Variants in DOCK8 observed in about 807,000 individuals in gnomAD.
DOCK8 encodes dedicator of cytokinesis protein 8.
A neutral mutation model predicts 245.6 loss-of-function variants in DOCK8; 141 were observed. The observed-to-expected ratio is 0.57, with a 90% confidence interval of 0.50 to 0.66. The LOEUF is 0.66. DOCK8 is among the 30% of genes least tolerant of loss of function. The probability of loss-of-function intolerance (pLI) is 0.00; values close to 1 mark genes in which losing one functional copy is unlikely to be tolerated. For missense variants in DOCK8, 2,965 were observed against 2,603.4 expected, an observed-to-expected ratio of 1.14 and a Z score of -3.02; for synonymous variants, 1,168 against 970.2, an observed-to-expected ratio of 1.20 and a Z score of -3.79.
rs778938711 is a variant in DOCK8 at position 451,975 on chromosome 9, ATATTTTTTTTTTTTTT to A, written c.5962-34_5962-19del. 7,249 of 224,550 alleles carry A rather than the reference ATATTTTTTTTTTTTTT, an allele frequency of 0.032. 117 individuals carry two copies. The highest frequency in any genetic ancestry group is 0.06 in the African/African-American group (1,177 of 19,522). 13.9% of individuals were successfully genotyped at this position (224,550 alleles called of 1,614,324 possible). ...TGTGTGTATATATATATATATATAT[ATATTTTTTTTTTTTTT>A]TTTTTTTTTTTCCCACCAGGGACCA... On this transcript the variant is annotated intron_variant, in intron 45 of 47. Transcript: ENST00000432829.
chr9:332,394 G>T lies in DOCK8; in HGVS notation c.1045-4G>T. 1 of 1,601,510 alleles carries T rather than the reference G, an allele frequency of 6.2e-7. No individual in the cohort carries two copies. Among genetic ancestry groups the T allele is most frequent in the Non-Finnish European group, 8.6e-7 (1 of 1,168,802 alleles). On this transcript the variant is annotated splice_region_variant and splice_polypyrimidine_tract_variant and intron_variant, in intron 9 of 47. Coordinates refer to ENST00000432829, the MANE Select transcript of DOCK8 (RefSeq NM_203447.4). Reference sequence around the variant, plus strand: ...CCTTATTTTAATATTCTTTTTATTGGTAGATTGAAAAAGTCCTGCAGCAGG... The same window carrying T: ...CCTTATTTTAATATTCTTTTTATTGTTAGATTGAAAAAGTCCTGCAGCAGG...
At chr9:410,292 C>G (rs1439843131) in intron 28 of DOCK8, among the ~76,000 whole-genome samples, 2 of 152,242 alleles carry the variant, frequency 1.3e-5, no homozygotes, top group East Asian at 1.9e-4. Flanking sequence ...TATTCTGACT[C>G]TTATTATTAG....
At position 281,455 on chromosome 9, in the gene DOCK8, T is replaced by C. The variant is rs1004898296; in HGVS notation, c.157-5006T>C. Among the ~76,000 whole-genome samples the C allele has an allele frequency of 3.3e-5, 5 of 152,200 alleles. No homozygotes were observed. In the East Asian group the frequency reaches 7.7e-4, roughly 23 times the overall value. On this transcript the variant is annotated intron_variant, in intron 2 of 47. Transcript: ENST00000432829. The stretch of plus-strand genomic sequence containing the variant: ...GAGAAAGCAAAACAGTTAATTTTCA[T>C]GTTTGGCTTTTGAGCTTCCAGGGAC...
At chr9:214,558 C>T (rs1175969572), upstream of DOCK8, 3 of 1,613,976 alleles carry the variant, frequency 1.9e-6, no homozygotes, top group South Asian at 3.3e-5. Flanking sequence ...GTGGGGCTCC[C>T]CCGACTTGCC....
chr9:220,792 C>G (rs2046866116), intron 1 of DOCK8: 1 of 373,596 alleles, frequency 2.7e-6, no homozygotes, highest in African/African-American at 2.3e-5. Context: ...GCCATCTCGG[C>G]TCACTGCAAC....
intron 15 of DOCK8, chr9:368,983 T>G (rs1181126633): frequency 6.6e-6 from 1 of 152,016 alleles, no homozygotes; most frequent in African/African-American, 2.4e-5. Context: ...ATTTTGTATT[T>G]TTAGTAGAGA....
chr9:275,240 T>A (rs929112450), intron 2 of DOCK8, among the ~76,000 whole-genome samples: 4 of 152,192 alleles, frequency 2.6e-5, no homozygotes, highest in African/African-American at 9.7e-5. Flanking sequence ...GGAGACACTG[T>A]GGGAGATTAA....
intron 14 of DOCK8, among the ~76,000 whole-genome samples, chr9:352,353 A>C (rs575663875): frequency 1.3e-5 from 2 of 152,226 alleles, no homozygotes; most frequent in African/African-American, 4.8e-5. Flanking sequence ...GAATATGCTT[A>C]TTTTATGCAA....
At chr9:287,847 A>G (rs936608191) in intron 3 of DOCK8, among the ~76,000 whole-genome samples, 1 of 152,152 alleles carries the variant, frequency 6.6e-6, no homozygotes, top group Non-Finnish European at 1.5e-5. Context: ...GATGTTTCCA[A>G]ATATGGTCAG....
At chr9:297,724 C>T (rs571148383) in intron 4 of DOCK8, among the ~76,000 whole-genome samples, 257 of 152,278 alleles carry the variant, frequency 1.7e-3, no homozygotes, top group Non-Finnish European at 2.8e-3. Context: ...CCCTTGTCCT[C>T]TCCTCCCCAG....
rs151159438 is a variant in DOCK8, at chr9:365,984, C to G, written c.1680-2034C>G. 5.2e-5 allele frequency: 11 copies of G among 211,516 alleles called. No homozygotes were observed. The Admixed American group carries it at 5.3e-4, about 10-fold the overall frequency. 13.1% of individuals were successfully genotyped at this position (211,516 alleles called of 1,614,324 possible). A position where few individuals can be genotyped will look rare whatever the true frequency, so the allele number is the denominator to read the frequency against. ...GTTTTGGGCTCTGCCTCTGTTTAGA[C>G]AGAGCACGATTTGGGAAGTGCTGCT... On this transcript the variant is annotated intron_variant, in intron 14 of 47. Coordinates refer to ENST00000432829, the MANE Select transcript of DOCK8 (RefSeq NM_203447.4).
Position 271,745 on chromosome 9 carries a change from A to G in DOCK8, c.156+16A>G. 1 of 1,534,532 alleles carries G rather than the reference A, an allele frequency of 6.5e-7. No individual in the cohort carries two copies. Among genetic ancestry groups the G allele is most frequent in the Non-Finnish European group, 8.8e-7 (1 of 1,131,836 alleles). On this transcript the variant is annotated intron_variant, in intron 2 of 47. Transcript: ENST00000432829. ...TCTTCAACTAGTAAGTATGAGTTCCAGGTTTACTTAGCGATTGGTCAAGTG... is the reference window on the plus strand; with the variant it reads ...TCTTCAACTAGTAAGTATGAGTTCCGGGTTTACTTAGCGATTGGTCAAGTG...
At position 439,307 on chromosome 9, in the gene DOCK8, G is replaced by A; in HGVS notation, c.5142G>A (p.Glu1714=). Residue 1714 remains glutamate (E), a synonymous_variant, in exon 40 of 48, where the codon GAG becomes GAA. Transcript: ENST00000432829. ...VVSEDTLSPD[E]DGVCAGQYFT... is the part of the protein sequence containing the mutation. ...CTGAGGACACCCTGTCACCTGACGA[G>A]GATGGGGTGTGCGCAGGCCAGTACT... is the stretch of plus-strand genomic sequence containing the variant. 1 of 1,614,212 alleles carries A rather than the reference G, an allele frequency of 6.2e-7. No individual in the cohort carries two copies. The highest frequency in any genetic ancestry group is 8.5e-7 in the Non-Finnish European group (1 of 1,180,046).
chr9:428,265 G>A, intron 34 of DOCK8, 97 bp from the exon 35 acceptor site: 3 of 1,593,954 alleles, frequency 1.9e-6, no homozygotes, highest in South Asian at 2.2e-5. Flanking sequence ...CTCACCACTG[G>A]ACATGGAACA....
intron 28 of DOCK8, among the ~76,000 whole-genome samples, chr9:412,703 CAAAA>C (rs1271491159): frequency 6.6e-6 from 1 of 151,824 alleles, no homozygotes; most frequent in Admixed American, 6.6e-5. Flanking sequence ...ATAAATGTAA[CAAAA>C]GAAACACAAG....
chr9:413,758 G>C (rs1444089843), intron 28 of DOCK8, among the ~76,000 whole-genome samples: 1 of 152,168 alleles, frequency 6.6e-6, no homozygotes. Context: ...TAAAGTGTTG[G>C]CAAGAATAAA....
At chr9:275,936 G>C (rs997744128) in intron 2 of DOCK8, among the ~76,000 whole-genome samples, 11 of 150,054 alleles carry the variant, frequency 7.3e-5, no homozygotes, top group African/African-American at 2.7e-4. Flanking sequence ...TGTCACCCAG[G>C]CTGGAGTGCA....
intron 14 of DOCK8, among the ~76,000 whole-genome samples, chr9:357,937 G>C (rs962848575): frequency 1.3e-5 from 2 of 152,128 alleles, no homozygotes; most frequent in African/African-American, 4.8e-5. Flanking sequence ...TTGTGAATTT[G>C]CACTTTTATC....
Position 214,897 on chromosome 9 carries a change from T to C in DOCK8, c.-80T>C. On this transcript the variant is annotated 5_prime_UTR_variant, in exon 1 of 48. Coordinates refer to ENST00000432829, the MANE Select transcript of DOCK8 (RefSeq NM_203447.4). ...GAGGTTTGCGCTTGGCTGGGCATGTTCCGCGGCTACTCTGCGGCGCGCCAG... is the reference window on the plus strand; with the variant it reads ...GAGGTTTGCGCTTGGCTGGGCATGTCCCGCGGCTACTCTGCGGCGCGCCAG... 1 of 1,602,812 alleles carries C rather than the reference T, an allele frequency of 6.2e-7. No individual in the cohort carries two copies. Among genetic ancestry groups the C allele is most frequent in the Non-Finnish European group, 8.5e-7 (1 of 1,175,602 alleles).
Sources: allele counts gnomAD v4.1 joint callset (sites outside exome capture counted in the v4.1 genomes callset), GRCh38; gene constraint gnomAD v4.1.1; transcripts MANE v1.5; gene names NCBI Gene and HGNC (gene_info 2026-07-23, HGNC 2026-07-21).